IL13RA1: variants seen among roughly 807,000 people sequenced by gnomAD.
IL13RA1 encodes the protein interleukin 13 receptor subunit alpha 1.
IL13RA1 carries 14 observed loss-of-function variants against 33.8 expected under a neutral mutation model. The ratio of observed to expected loss-of-function variants is 0.41; its 90% CI spans 0.27 to 0.65. The LOEUF (loss-of-function observed/expected upper bound fraction) is 0.65. IL13RA1 is among the 30% of genes least tolerant of loss of function. IL13RA1 has a pLI of 0.28. For synonymous variants in IL13RA1, 116 were observed against 115.7 expected (o/e 1.00, Z -0.02); for missense variants, 313 against 327.0 (o/e 0.96, Z 0.33).
chrX:118,778,511 G>C (rs2017810232), intron 10 of IL13RA1, among the ~76,000 whole-genome samples: 1 of 111,171 alleles, frequency 9.0e-6, no homozygotes. Flanking sequence ...ACAGATTTCT[G>C]GACCCTACTT....
chrX:118,740,255 T>C (rs1393497195), intron 1 of IL13RA1, among the ~76,000 whole-genome samples: 1 of 111,994 alleles, frequency 8.9e-6, no homozygotes. Flanking sequence ...CCGTGCCCAG[T>C]CTGAAGAGTC....
At chrX:118,774,473 C>T (rs1311724396) in intron 9 of IL13RA1, among the ~76,000 whole-genome samples, 1 of 112,083 alleles carries the variant, frequency 8.9e-6, no homozygotes, top group African/African-American at 3.2e-5. Flanking sequence ...CTAATGAAAA[C>T]CATGTTGGAT....
intron 6 of IL13RA1, among the ~76,000 whole-genome samples, chrX:118,763,779 T>C (rs933005305): frequency 1.8e-5 from 2 of 111,427 alleles, no homozygotes; most frequent in Admixed American, 1.9e-4. Context: ...CATAATGTCA[T>C]GTGCACAATC....
chrX:118,759,722 A>G (rs572099165), intron 5 of IL13RA1, among the ~76,000 whole-genome samples: 2 of 112,389 alleles, frequency 1.8e-5, no homozygotes, highest in East Asian at 2.8e-4. Flanking sequence ...GGTCTTAAGT[A>G]TAGCTGACTC....
chrX:118,803,580 C>T, the IL13RA1 span, among the ~76,000 whole-genome samples: 1 of 111,968 alleles, frequency 8.9e-6, no homozygotes, highest in Non-Finnish European at 1.9e-5. Flanking sequence ...TTACATTTCC[C>T]CAATTGTCTC....
At chrX:118,732,994 GCTGA>G (rs1161991604) in intron 1 of IL13RA1, among the ~76,000 whole-genome samples, 3 of 112,191 alleles carry the variant, frequency 2.7e-5, no homozygotes, top group South Asian at 3.7e-4. Context: ...CTTTTTAAAA[GCTGA>G]CTAATATTCC....
chrX:118,784,088 A>ATATAT (rs1486333613), intron 10 of IL13RA1, among the ~76,000 whole-genome samples: 1 of 50,765 alleles, frequency 2.0e-5, no homozygotes, highest in African/African-American at 9.9e-5. Context: ...AAAAAAAAAA[A>ATATAT]AAATATATAT....
chrX:118,738,591 A>G (rs918772450), intron 1 of IL13RA1, among the ~76,000 whole-genome samples: 1 of 111,286 alleles, frequency 9.0e-6, no homozygotes, highest in Non-Finnish European at 1.9e-5. Flanking sequence ...CATGGTATAT[A>G]TGTGCCACAT....
intron 1 of IL13RA1, among the ~76,000 whole-genome samples, 191 bp from the exon 2 acceptor site, chrX:118,740,826 A>G (rs1194905342): frequency 8.9e-6 from 1 of 112,274 alleles, no homozygotes; most frequent in Non-Finnish European, 1.9e-5. Context: ...ACTAGTCCCT[A>G]TCTCCAAGAT....
At position 118,792,014 on chromosome X, in the gene IL13RA1, G is replaced by A. The variant is rs778023971; in HGVS notation, c.*160G>A. 8.7e-4 allele frequency: 281 copies of A among 322,111 alleles called. No homozygotes were observed. Among genetic ancestry groups the A allele is most frequent in the South Asian group, 5.4e-3 (64 of 11,845 alleles). 26.5% of individuals were successfully genotyped at this position (322,111 alleles called of 1,213,427 possible). On this transcript the variant is annotated 3_prime_UTR_variant, in exon 11 of 11. Coordinates refer to ENST00000371666, the MANE Select transcript of IL13RA1 (RefSeq NM_001560.3). ...AGGTCTTTATGTTGAGTCGCGCACCGAAAAACTAAAAATAATGGGCGCTTT... is the reference window on the plus strand; with the variant it reads ...AGGTCTTTATGTTGAGTCGCGCACCAAAAAACTAAAAATAATGGGCGCTTT...
chrX:118,776,037 A>G (rs909701470), intron 9 of IL13RA1, among the ~76,000 whole-genome samples: 1 of 111,441 alleles, frequency 9.0e-6, no homozygotes, highest in Non-Finnish European at 1.9e-5. Flanking sequence ...GAGGCAAGCT[A>G]TAAGATTGAA....
chrX:118,750,217 T>A, intron 4 of IL13RA1, among the ~76,000 whole-genome samples: 1 of 111,412 alleles, frequency 9.0e-6, no homozygotes, highest in Non-Finnish European at 1.9e-5. Context: ...AAGGAGTTGC[T>A]CTTTTATAGC....
intron 10 of IL13RA1, among the ~76,000 whole-genome samples, chrX:118,779,877 T>C (rs1266265311): frequency 8.9e-6 from 1 of 111,995 alleles, no homozygotes; most frequent in African/African-American, 3.2e-5. Context: ...TGAATGATGG[T>C]AACATTGACA....
At chrX:118,766,777 T>G (rs761563609) in intron 7 of IL13RA1, 67 bp from the exon 8 acceptor site, 2 of 649,111 alleles carry the variant, frequency 3.1e-6, no homozygotes, top group Non-Finnish European at 4.8e-6. Flanking sequence ...AATTGTATTA[T>G]GATTCAATAA....
intron 10 of IL13RA1, among the ~76,000 whole-genome samples, chrX:118,787,289 G>GC (rs1339858509): frequency 9.0e-6 from 1 of 111,482 alleles, no homozygotes; most frequent in East Asian, 2.8e-4. Context: ...GTTCCATGAT[G>GC]CCCCCTAAGC....
the IL13RA1 span, among the ~76,000 whole-genome samples, chrX:118,800,387 T>C: frequency 9.0e-6 from 1 of 110,633 alleles, no homozygotes; most frequent in Non-Finnish European, 1.9e-5. Flanking sequence ...GCGGCTTCAC[T>C]CCTGAGCCCA....
intron 8 of IL13RA1, 130 bp from the exon 9 acceptor site, chrX:118,773,749 A>G: frequency 2.1e-6 from 1 of 475,264 alleles, no homozygotes; most frequent in Non-Finnish European, 3.6e-6. Context: ...ATAATTGAAG[A>G]GCTTGGGAAA....
In IL13RA1 at chrX:118,757,283, G is replaced by A. The variant is rs751771501; in HGVS notation, c.489-772G>A. Reference sequence around the variant, plus strand: ...GCAGGGGCTCACGCCTGTAATCCCAGCAGTTTGGGAGGCCGAGGCGGGTGG... The same window carrying A: ...GCAGGGGCTCACGCCTGTAATCCCAACAGTTTGGGAGGCCGAGGCGGGTGG... On this transcript the variant is annotated intron_variant, in intron 4 of 10. Coordinates refer to ENST00000371666, the MANE Select transcript of IL13RA1 (RefSeq NM_001560.3). Among the ~76,000 whole-genome samples, 12 of 111,553 alleles carry A rather than the reference G, an allele frequency of 1.1e-4. 1 individual carries two copies. The South Asian group carries it at 4.2e-3, about 39-fold the overall frequency.
At chrX:118,770,065 C>T (rs1212008354) in intron 8 of IL13RA1, 1 of 252,681 alleles carries the variant, frequency 4.0e-6, no homozygotes, top group African/African-American at 2.9e-5. Context: ...TGCCCATCTG[C>T]TCATGCGCCT....
Sources: allele counts gnomAD v4.1 joint callset (sites outside exome capture counted in the v4.1 genomes callset), GRCh38; gene constraint gnomAD v4.1.1; transcripts MANE v1.5; gene names NCBI Gene and HGNC (gene_info 2026-07-23, HGNC 2026-07-21).